ATP4B: variants seen among roughly 807,000 people sequenced by gnomAD.
ATP4B encodes the protein ATPase H+/K+ transporting subunit beta.
A neutral mutation model predicts 35.3 loss-of-function variants in ATP4B; 27 were observed. The observed-to-expected ratio is 0.76, with a 90% confidence interval of 0.56 to 1.05. The LOEUF (loss-of-function observed/expected upper bound fraction) is 1.05, where lower values mean the gene tolerates loss of function less well. ATP4B is among the 50% of genes least tolerant of loss of function. ATP4B has a pLI of 0.00. For synonymous variants in ATP4B, 162 were observed against 156.0 expected, an observed-to-expected ratio of 1.04 and a Z score of -0.29; for missense variants, 375 against 384.8, an observed-to-expected ratio of 0.97 and a Z score of 0.21.
chr13:113,657,992 G>C, intron 1 of ATP4B, 41 bp downstream of exon 1: 28 of 1,511,556 alleles, frequency 1.9e-5, no homozygotes, highest in Non-Finnish European at 2.5e-5. Context: ...CCTCAGAGCG[G>C]CCCCCTCCAT....
chr13:113,650,520 G>T lies in ATP4B; in HGVS notation c.613-13C>A. 1 of 1,604,882 alleles carries T rather than the reference G, an allele frequency of 6.2e-7. No homozygotes were observed. The highest frequency in any genetic ancestry group is 2.2e-5 in the East Asian group (1 of 44,830). On this transcript the variant is annotated splice_polypyrimidine_tract_variant and intron_variant, in intron 5 of 6. Coordinates refer to ENST00000335288, the MANE Select transcript of ATP4B (RefSeq NM_000705.4). The surrounding 1 kb of genome is among the most constrained non-coding windows in gnomAD (Gnocchi z 5.0). ...CGCGGGGCTGGTCCTGGGGAGGAGA[G>T]GCCACTGCCTGAGTCAGGCGGGAGC...
In ATP4B at chr13:113,649,376, A is replaced by G; in HGVS notation, c.874T>C (p.Ter292ArgextTer54). The G allele has an allele frequency of 6.3e-7, 1 of 1,593,266 alleles. No homozygotes were observed. Among genetic ancestry groups the G allele is most frequent in the Non-Finnish European group, 8.6e-7 (1 of 1,168,824 alleles). ...KVEFKLKIEK[*>R] is the part of the protein sequence containing the mutation. The stretch of plus-strand genomic sequence containing the variant: ...CCAGGACCCCTGCGCAAACCGTTTC[A>G]CTTCTCAATCTTGAGTTTGAACTCC... Residue 292 changes from the stop codon to arginine (R), a stop_lost, in exon 7 of 7, where the codon TGA (stop) becomes CGA (arginine). Coordinates refer to ENST00000335288, the MANE Select transcript of ATP4B (RefSeq NM_000705.4). The surrounding 1 kb of genome is among the most constrained non-coding windows in gnomAD (Gnocchi z 4.7).
intron 1 of ATP4B, 80 bp from the exon 2 acceptor site, chr13:113,655,022 G>A: frequency 1.3e-6 from 2 of 1,558,014 alleles, no homozygotes; most frequent in Non-Finnish European, 1.7e-6. Context: ...GCGCGTCCGT[G>A]ATGTGGCGTG....
chr13:113,655,144 GC>G (rs1237084993), intron 1 of ATP4B, among the ~76,000 whole-genome samples: 3 of 152,166 alleles, frequency 2.0e-5, no homozygotes, highest in Non-Finnish European at 4.4e-5. Flanking sequence ...GCCACGTTCT[GC>G]CTCTGGGTTT....
chr13:113,649,720 A>G lies in ATP4B; in HGVS notation c.715-185T>C, dbSNP rs1374298900. Among the ~76,000 whole-genome samples the G allele has an allele frequency of 1.3e-5, 2 of 152,210 alleles. No individual in the cohort carries two copies. The highest frequency in any genetic ancestry group is 2.9e-5 in the Non-Finnish European group (2 of 68,038). On this transcript the variant is annotated intron_variant, in intron 6 of 6. Transcript: ENST00000335288. The surrounding 1 kb of genome is among the most constrained non-coding windows in gnomAD (Gnocchi z 4.7). ...TAACACCCCCCATGTAAAAATGGAA[A>G]GCAACTGTCTGGAGGGGACAGACAA...
rs371696712 is a variant in ATP4B, at chr13:113,658,090, G to A, written c.55C>T (p.Arg19Cys). Residue 19 changes from arginine (R) to cysteine (C), a missense_variant, in exon 1 of 7, where the codon CGT (arginine) becomes TGT (cysteine). By Grantham distance (180) the Arg-to-Cys change is radical. Transcript: ENST00000335288. ...CCCGTGTCCGGGTTCCAGCAGTAAC[G>A]CTGGAACTCCTCCATGCGCTGGCCA... ...TCGQRMEEFQ[R>C]YCWNPDTGQM... The A allele has an allele frequency of 1.2e-5, 20 of 1,612,148 alleles. No individual in the cohort carries two copies. Among genetic ancestry groups the A allele is most frequent in the African/African-American group, 5.3e-5 (4 of 74,894 alleles).
At chr13:113,653,907 C>T (rs182223633) in intron 2 of ATP4B, among the ~76,000 whole-genome samples, 228 of 152,336 alleles carry the variant, frequency 1.5e-3, no homozygotes, top group African/African-American at 5.0e-3. Context: ...CGATGTGAAC[C>T]GTCAAATGTG....
chr13:113,655,809 C>G (rs893810170), intron 1 of ATP4B, among the ~76,000 whole-genome samples: 4 of 152,220 alleles, frequency 2.6e-5, no homozygotes, highest in Admixed American at 6.5e-5. Context: ...GAGCCGTTCT[C>G]CAGTGACCCA....
Position 113,649,621 on chromosome 13 carries a change from A to G in ATP4B, c.715-86T>C, listed in dbSNP as rs1051004313. 4 of 1,402,292 alleles carry G rather than the reference A, an allele frequency of 2.9e-6. No homozygotes were observed. Among genetic ancestry groups the G allele is most frequent in the Non-Finnish European group, 2.8e-6 (3 of 1,062,286 alleles). 86.9% of individuals were successfully genotyped at this position (1,402,292 alleles called of 1,614,324 possible). ...ACTAAGCAAGGAAGTGTCAACAGTC[A>G]GGTTGGTGCAGAGAAGCAGCTCTTT... On this transcript the variant is annotated intron_variant, in intron 6 of 6. Transcript: ENST00000335288. This position sits in a 1 kb window ranked among gnomAD's most constrained non-coding sequence, Gnocchi z 4.7.
Position 113,649,493 on chromosome 13 carries a change from T to G in ATP4B, c.757A>C (p.Ile253Leu). The G allele has an allele frequency of 6.4e-7, 1 of 1,550,716 alleles. No individual in the cohort carries two copies. ...ATGGCGACCTCAGCGTTCCTGGGGATGTTGAGGAGCTTCGCTGCCACCAGG... is the reference window on the plus strand; with the variant it reads ...ATGGCGACCTCAGCGTTCCTGGGGAGGTTGAGGAGCTTCGCTGCCACCAGG... ...NPLVAAKLLN[I>L]PRNAEVAIVC... The change falls in exon 7 of 7, where the codon ATC becomes CTC. Residue 253 changes from isoleucine to leucine, a missense_variant. Physicochemically the swap from Ile to Leu is conservative, Grantham distance 5 (BLOSUM62 2). Transcript: ENST00000335288. This position sits in a 1 kb window ranked among gnomAD's most constrained non-coding sequence, Gnocchi z 4.7.
intron 2 of ATP4B, 68 bp downstream of exon 2, chr13:113,654,746 T>C: frequency 6.4e-7 from 1 of 1,555,706 alleles, no homozygotes; most frequent in African/African-American, 1.4e-5. Context: ...CCCCCGGGCG[T>C]CTCCAGAGCC....
intron 4 of ATP4B, 97 bp downstream of exon 4, chr13:113,652,775 GC>G (rs2049722012): frequency 7.1e-7 from 1 of 1,412,426 alleles, no homozygotes; most frequent in Admixed American, 1.9e-5. Flanking sequence ...GCTTGGGCAA[GC>G]CCCAGACAGG....
chr13:113,654,896 C>T lies in ATP4B; in HGVS notation c.159G>A (p.Gly53=). Residue 53 remains glycine, a synonymous_variant, in exon 2 of 7, where the codon GGG becomes GGA. Coordinates refer to ENST00000335288, the MANE Select transcript of ATP4B (RefSeq NM_000705.4). ...YYVAFYVVMT[G]LFALCLYVLM... ...GCACATAGAGGCACAGGGCGAAGAGCCCAGTCATCACCACGTAGAAGGCCA... is the reference window on the plus strand; with the variant it reads ...GCACATAGAGGCACAGGGCGAAGAGTCCAGTCATCACCACGTAGAAGGCCA... The T allele has an allele frequency of 6.2e-7, 1 of 1,614,242 alleles. No homozygotes were observed. Among genetic ancestry groups the T allele is most frequent in the African/African-American group, 1.3e-5 (1 of 75,072 alleles).
At chr13:113,651,791 C>G in intron 4 of ATP4B, 64 bp from the exon 5 acceptor site, 2 of 1,573,556 alleles carry the variant, frequency 1.3e-6, no homozygotes, top group Non-Finnish European at 1.7e-6. Flanking sequence ...GTGCACGGCA[C>G]CCACCCATGG....
chr13:113,653,356 G>A lies in ATP4B; in HGVS notation c.320C>T (p.Ala107Val). 1 of 1,614,138 alleles carries A rather than the reference G, an allele frequency of 6.2e-7. No homozygotes were observed. The highest frequency in any genetic ancestry group is 8.5e-7 in the Non-Finnish European group (1 of 1,180,012). ...VYNVSDNRTW[A>V]DLTQTLHAFL... ...GGCGTGGAGAGTCTGTGTGAGGTCT[G>A]CCCAGGTTCTGTTATCAGAGACGTT... The change falls in exon 3 of 7, where the codon GCA becomes GTA. Residue 107 changes from alanine (A) to valine (V), a missense_variant. Transcript: ENST00000335288.
At position 113,649,431 on chromosome 13, in the gene ATP4B, G is replaced by T. The variant is rs1360135449; in HGVS notation, c.819C>A (p.Asn273Lys). 6.3e-7 allele frequency: 1 copy of T among 1,585,902 alleles called. No individual in the cohort carries two copies. Among genetic ancestry groups the T allele is most frequent in the East Asian group, 2.3e-5 (1 of 43,846 alleles). Residue 273 changes from asparagine to lysine, a missense_variant, in exon 7 of 7, where the codon AAC becomes AAA. Physicochemically the swap from Asn to Lys is moderately conservative, Grantham distance 94. Transcript: ENST00000335288. This position sits in a 1 kb window ranked among gnomAD's most constrained non-coding sequence, Gnocchi z 4.7. ...TCCCTTCATACGGGTCGTGGGGATTGTTGAAGGTCACGTGCTCCGCCATGA... is the reference window on the plus strand; with the variant it reads ...TCCCTTCATACGGGTCGTGGGGATTTTTGAAGGTCACGTGCTCCGCCATGA... ...CKVMAEHVTF[N>K]NPHDPYEGKV...
chr13:113,651,502 G>A (rs773088654), intron 5 of ATP4B, among the ~76,000 whole-genome samples, 169 bp downstream of exon 5: 5 of 152,242 alleles, frequency 3.3e-5, no homozygotes, highest in Admixed American at 1.3e-4. Flanking sequence ...GGTTTTACCC[G>A]CCATGGTGGA....
chr13:113,653,584 C>A, intron 2 of ATP4B, 150 bp from the exon 3 acceptor site: 1 of 643,326 alleles, frequency 1.6e-6, no homozygotes, highest in Non-Finnish European at 2.7e-6. Flanking sequence ...AAGGAAGGAC[C>A]CCCAGGACAG....
chr13:113,655,029 C>G, intron 1 of ATP4B, 87 bp from the exon 2 acceptor site: 1 of 1,536,842 alleles, frequency 6.5e-7, no homozygotes, highest in Non-Finnish European at 8.8e-7. Context: ...CGTGATGTGG[C>G]GTGACCATCT....
Sources: gnomAD v4.1 joint callset for allele counts (sites outside exome capture counted in the v4.1 genomes callset) on GRCh38, gnomAD v4.1.1 for gene constraint, Gnocchi (gnomAD v3.1) non-coding constraint, MANE v1.5 for transcripts, NCBI Gene and HGNC (gene_info 2026-07-23, HGNC 2026-07-21) for gene names.